Variants in NCKAP1 observed in about 807,000 individuals in gnomAD.
The protein encoded by NCKAP1 is nck-associated protein 1.
Under a neutral mutation model 151.2 loss-of-function variants are expected in NCKAP1, and 21 were observed. The observed-to-expected ratio is 0.14, with a 90% CI of 0.10 to 0.20. The LOEUF is 0.20. Among genes scored for constraint, NCKAP1 ranks in the 10% least tolerant of loss-of-function variants. NCKAP1 has a pLI of 1.00. For synonymous variants in NCKAP1, 484 were observed against 451.8 expected, an observed-to-expected ratio of 1.07 and a Z score of -0.90; for missense variants, 933 against 1,352.1, an observed-to-expected ratio of 0.69 and a Z score of 4.86.
chr2:182,955,458 A>C (rs1223323554), intron 20 of NCKAP1, among the ~76,000 whole-genome samples: 1 of 152,190 alleles, frequency 6.6e-6, no homozygotes, highest in Non-Finnish European at 1.5e-5. Flanking sequence ...AATATATATA[A>C]AGTTGAAAGG....
chr2:183,019,790 A>G (rs2105891153), intron 2 of NCKAP1, among the ~76,000 whole-genome samples: 1 of 152,354 alleles, frequency 6.6e-6, no homozygotes, highest in South Asian at 2.1e-4. Context: ...TGAGGCATTT[A>G]GTTCAACATC....
intron 1 of NCKAP1, among the ~76,000 whole-genome samples, chr2:183,031,860 G>A (rs1286141980): frequency 6.6e-6 from 1 of 152,182 alleles, no homozygotes; most frequent in Admixed American, 6.5e-5. Flanking sequence ...AAGCATAACA[G>A]AAGCTGAGAG....
In NCKAP1 at chr2:183,024,950, C is replaced by T. The variant is rs1419250670; in HGVS notation, c.109-1034G>A. The T allele has an allele frequency of 1.9e-6, 3 of 1,611,110 alleles. No homozygotes were observed. In the Admixed American group the frequency reaches 5.0e-5, roughly 27 times the overall value. ...ACTGATCTGAAAGCGGGCAAGCGGG[C>T]AGAGGGAAGGTGAAAAGCTTTGCAA... On this transcript the variant is annotated intron_variant, in intron 1 of 30. Transcript: ENST00000361354.
chr2:182,928,585 C>T (rs550311944), intron 28 of NCKAP1, among the ~76,000 whole-genome samples, 198 bp downstream of exon 28: 22 of 152,120 alleles, frequency 1.4e-4, no homozygotes, highest in Admixed American at 1.4e-3. Context: ...AATCCCTCAC[C>T]GACCTCTACA....
intron 21 of NCKAP1, 43 bp downstream of exon 21, chr2:182,953,070 T>C (rs750811900): frequency 7.8e-6 from 12 of 1,543,498 alleles, no homozygotes; most frequent in Non-Finnish European, 2.6e-6. Context: ...AGTACTTCAT[T>C]ACAAATTTTC....
chr2:182,935,157 T>C lies in NCKAP1; in HGVS notation c.2778+136A>G, dbSNP rs1371298102. 7 of 687,234 alleles carry C rather than the reference T, an allele frequency of 1.0e-5. No homozygotes were observed. The Admixed American group carries it at 1.4e-4, about 14-fold the overall frequency. 42.6% of individuals were successfully genotyped at this position (687,234 alleles called of 1,614,324 possible). On this transcript the variant is annotated intron_variant, in intron 25 of 30. Coordinates refer to ENST00000361354, the MANE Select transcript of NCKAP1 (RefSeq NM_013436.5). Reference sequence around the variant, plus strand: ...GCTTAAATAACTAATTTTATGTATGTTATTTTCTGTAACTACTAAAACTGG... The same window carrying C: ...GCTTAAATAACTAATTTTATGTATGCTATTTTCTGTAACTACTAAAACTGG...
rs4018678 is a variant in NCKAP1, at chr2:182,984,423, G to GGTGTGTGTGTGTGTGTGT, written c.1005-1059_1005-1042dup. Among the ~76,000 whole-genome samples the GGTGTGTGTGTGTGTGTGT allele has an allele frequency of 1.9e-3, 280 of 144,390 alleles. 5 individuals are homozygous for GGTGTGTGTGTGTGTGTGT. Among genetic ancestry groups the GGTGTGTGTGTGTGTGTGT allele is most frequent in the Non-Finnish European group, 3.5e-3 (222 of 64,146 alleles). 94.7% of individuals were successfully genotyped at this position (144,390 alleles called of 152,430 possible). A position where few individuals can be genotyped will look rare whatever the true frequency, so the allele number is the denominator to read the frequency against. ...AAGAAAGTTTTAGAATTTAGATTGGGGTGTGTGTGTGTGTGTGTGTGTGTG... is the reference window on the plus strand; with the variant it reads ...AAGAAAGTTTTAGAATTTAGATTGGGGTGTGTGTGTGTGTGTGTGTGTGTGTGTGTGTGTGTGTGTGTG... On this transcript the variant is annotated intron_variant, in intron 10 of 30. Transcript: ENST00000361354.
rs758298479 is a variant in NCKAP1, at chr2:182,910,354, G to A, written c.*15348C>T. ...ACTAAAATTCTTTGAGAGATGAGAGGAAATATTTTTCAGAAGCTTGGAGGT... is the reference window on the plus strand; with the variant it reads ...ACTAAAATTCTTTGAGAGATGAGAGAAAATATTTTTCAGAAGCTTGGAGGT... On this transcript the variant is annotated 3_prime_UTR_variant, in exon 31 of 31. Coordinates refer to ENST00000361354, the MANE Select transcript of NCKAP1 (RefSeq NM_013436.5). 7 of 152,190 alleles carry A rather than the reference G, an allele frequency of 4.6e-5. No individual in the cohort carries two copies. The highest frequency in any genetic ancestry group is 1.0e-4 in the Non-Finnish European group (7 of 68,056). 9.4% of individuals were successfully genotyped at this position (152,190 alleles called of 1,614,324 possible).
intron 1 of NCKAP1, among the ~76,000 whole-genome samples, chr2:183,037,459 G>C (rs1516245): frequency 6.6e-6 from 1 of 152,050 alleles, no homozygotes; most frequent in South Asian, 2.1e-4. Context: ...TTTTTATTTA[G>C]CAATCTAAAA....
Position 182,935,351 on chromosome 2 carries a change from A to G in NCKAP1, c.2720T>C (p.Met907Thr). 4 of 1,586,724 alleles carry G rather than the reference A, an allele frequency of 2.5e-6. No individual in the cohort carries two copies. The highest frequency in any genetic ancestry group is 2.6e-6 in the Non-Finnish European group (3 of 1,170,796). The change falls in exon 25 of 31, where the codon ATG becomes ACG. Residue 907 changes from methionine (M) to threonine (T), a missense_variant. By Grantham distance (81) the Met-to-Thr change is moderately conservative. Around this residue, in one of 2 missense-constraint regions of NCKAP1, gnomAD observed 326 missense variants for 557.1 expected, o/e 0.59. Coordinates refer to ENST00000361354, the MANE Select transcript of NCKAP1 (RefSeq NM_013436.5). ...GGATAAAATTACACCAATTATTGTC[A>G]TCCTCTTCAAGACACTGTCAACAGC... ...LSSVDSVLKR[M>T]TIIGVILSFR...
In NCKAP1 at chr2:182,917,036, T is replaced by C. The variant is rs1696478985; in HGVS notation, c.*8666A>G. On this transcript the variant is annotated 3_prime_UTR_variant, in exon 31 of 31. Transcript: ENST00000361354. ...TAAGTGAAACCAAATAGCCTAATAA[T>C]ACTGGAGAAACTACCACCATTTACA... 1 of 152,210 alleles carries C rather than the reference T, an allele frequency of 6.6e-6. No individual in the cohort carries two copies. Among genetic ancestry groups the C allele is most frequent in the Non-Finnish European group, 1.5e-5 (1 of 68,036 alleles). The allele number at this position is 152,210 out of a possible 1,614,324, so 9.4% of individuals were successfully genotyped here.
intron 24 of NCKAP1, among the ~76,000 whole-genome samples, chr2:182,941,360 AT>A (rs1044385414): frequency 2.0e-5 from 3 of 151,696 alleles, no homozygotes; most frequent in Admixed American, 6.6e-5. Flanking sequence ...AGACATTACA[AT>A]TTTTTTTTAA....
intron 10 of NCKAP1, among the ~76,000 whole-genome samples, chr2:182,983,707 C>G (rs1697987523): frequency 6.6e-6 from 1 of 152,090 alleles, no homozygotes; most frequent in South Asian, 2.1e-4. Context: ...ATTTTAGTAC[C>G]ATGTAGCTTT....
chr2:183,023,324 C>T (rs1698830617), intron 2 of NCKAP1, among the ~76,000 whole-genome samples: 1 of 152,086 alleles, frequency 6.6e-6, no homozygotes. Context: ...AAGACCCTAA[C>T]ACAATCATTT....
At chr2:182,936,005 C>T (rs892649788) in intron 24 of NCKAP1, among the ~76,000 whole-genome samples, 1 of 151,998 alleles carries the variant, frequency 6.6e-6, no homozygotes, top group Non-Finnish European at 1.5e-5. Context: ...ATCTGTAATC[C>T]TAGCATTCTA....
At chr2:183,022,036 A>G (rs1698806554) in intron 2 of NCKAP1, among the ~76,000 whole-genome samples, 1 of 152,212 alleles carries the variant, frequency 6.6e-6, no homozygotes, top group Non-Finnish European at 1.5e-5. Context: ...AAAACAAAAA[A>G]CAACAGGATG....
chr2:182,972,982 A>G (rs1302389355), intron 15 of NCKAP1, among the ~76,000 whole-genome samples: 1 of 152,144 alleles, frequency 6.6e-6, no homozygotes, highest in Non-Finnish European at 1.5e-5. Flanking sequence ...GTATAGCACA[A>G]TGGGGCAACT....
chr2:182,981,192 T>C, intron 13 of NCKAP1, 52 bp downstream of exon 13: 2 of 1,572,022 alleles, frequency 1.3e-6, no homozygotes, highest in Non-Finnish European at 1.7e-6. Context: ...TAAAATACTA[T>C]CAAAGGTGGG....
At chr2:182,977,295 G>C (rs1697843420) in intron 14 of NCKAP1, among the ~76,000 whole-genome samples, 1 of 152,070 alleles carries the variant, frequency 6.6e-6, no homozygotes, top group Non-Finnish European at 1.5e-5. Context: ...TTTGAGACTA[G>C]CCTGGCCAAC....
Sources: gnomAD v4.1 joint callset for allele counts (sites outside exome capture counted in the v4.1 genomes callset) on GRCh38, gnomAD v4.1.1 for gene constraint, gnomAD v4.1.1 regional missense constraint, MANE v1.5 for transcripts, NCBI Gene and HGNC (gene_info 2026-07-23, HGNC 2026-07-21) for gene names.